KLHL1: variants seen among roughly 807,000 people sequenced by gnomAD.
The protein encoded by KLHL1 is kelch-like protein 1.
In KLHL1, 47 loss-of-function variants were observed where a neutral mutation model predicts 77.7. The observed-to-expected ratio is 0.60, with a 90% CI of 0.48 to 0.77. The LOEUF (loss-of-function observed/expected upper bound fraction) is 0.77. Among genes scored for constraint, KLHL1 ranks in the 30% least tolerant of loss-of-function variants. The pLI, the probability that KLHL1 is intolerant of heterozygous loss-of-function variation, is 0.00. For synonymous variants in KLHL1, 360 were observed against 325.2 expected (o/e 1.11, Z -1.15); for missense variants, 925 against 910.8 (o/e 1.02, Z -0.20).
At chr13:69,786,230 T>C (rs1430448020) in intron 7 of KLHL1, among the ~76,000 whole-genome samples, 1 of 152,160 alleles carries the variant, frequency 6.6e-6, no homozygotes, top group Admixed American at 6.5e-5. Flanking sequence ...ACCAATATCC[T>C]TGATGAACAT....
At chr13:69,947,084 TTCC>T (rs1234371384) in intron 3 of KLHL1, among the ~76,000 whole-genome samples, 2 of 147,586 alleles carry the variant, frequency 1.4e-5, no homozygotes, top group African/African-American at 5.0e-5. Flanking sequence ...GAAGATCTTC[TTCC>T]TATTCCGTCA....
intron 1 of KLHL1, among the ~76,000 whole-genome samples, chr13:70,074,505 A>G (rs1262477668): frequency 6.6e-6 from 1 of 152,044 alleles, no homozygotes; most frequent in Non-Finnish European, 1.5e-5. Context: ...CGTCCACCCA[A>G]GAGATTCCAA....
chr13:69,803,028 T>C (rs1877459420), intron 6 of KLHL1: 1 of 152,170 alleles, frequency 6.6e-6, no homozygotes, highest in African/African-American at 2.4e-5. Context: ...ACTGCTTCTC[T>C]CGACCAGCCT....
chr13:69,779,020 C>T (rs1426557272), intron 7 of KLHL1, among the ~76,000 whole-genome samples: 1 of 151,866 alleles, frequency 6.6e-6, no homozygotes, highest in Non-Finnish European at 1.5e-5. Flanking sequence ...GGATGGTCTC[C>T]ATCTCCTGAC....
At chr13:69,721,656 A>G (rs1350170688) in intron 8 of KLHL1, among the ~76,000 whole-genome samples, 1 of 152,160 alleles carries the variant, frequency 6.6e-6, no homozygotes, top group Non-Finnish European at 1.5e-5. Context: ...CTAATACCAT[A>G]TAATAACTCT....
chr13:70,022,974 C>T (rs537212383), intron 1 of KLHL1, among the ~76,000 whole-genome samples: 12 of 151,996 alleles, frequency 7.9e-5, no homozygotes, highest in South Asian at 6.2e-4. Flanking sequence ...GTTGAAGTTT[C>T]GATCATGTCT....
At chr13:69,894,875 TA>T in intron 4 of KLHL1, 1 of 290,212 alleles carries the variant, frequency 3.4e-6, no homozygotes, top group Non-Finnish European at 6.8e-6. Context: ...TTCTTCACCC[TA>T]ACTAGCACCT....
At chr13:69,770,992 A>T (rs1328923567) in intron 7 of KLHL1, among the ~76,000 whole-genome samples, 1 of 152,208 alleles carries the variant, frequency 6.6e-6, no homozygotes, top group Non-Finnish European at 1.5e-5. Context: ...AATGTGAAAG[A>T]TACTACCTTT....
rs951609498 is a variant in KLHL1, at chr13:69,851,508, A to T, written c.1228-12346T>A. 2.0e-5 allele frequency among the ~76,000 whole-genome samples: 3 copies of T among 151,796 alleles called. No homozygotes were observed. In the Admixed American group the frequency reaches 2.0e-4, roughly 10 times the overall value. ...ACTGGATTAATTGGAGACATTTTTG[A>T]CTTTAGAGTTGCATGAAGTAATAAC... On this transcript the variant is annotated intron_variant, in intron 5 of 10. Transcript: ENST00000377844.
chr13:69,927,828 A>G (rs1882867611), intron 4 of KLHL1, among the ~76,000 whole-genome samples: 1 of 152,212 alleles, frequency 6.6e-6, no homozygotes, highest in Non-Finnish European at 1.5e-5. Context: ...AAAACAGTCT[A>G]GTAGTTTCTC....
intron 5 of KLHL1, among the ~76,000 whole-genome samples, chr13:69,857,958 AG>A (rs1879986581): frequency 6.6e-6 from 1 of 152,070 alleles, no homozygotes; most frequent in African/African-American, 2.4e-5. Flanking sequence ...ATGAATTACA[AG>A]GAAAATAAAG....
chr13:70,078,146 T>A (rs1436407207), intron 1 of KLHL1, among the ~76,000 whole-genome samples: 8 of 151,842 alleles, frequency 5.3e-5, no homozygotes, highest in Admixed American at 5.3e-4. Context: ...GCTTAGCTCC[T>A]CATGTCTGTC....
chr13:69,812,640 C>G lies in KLHL1; in HGVS notation c.1415-15678G>C, dbSNP rs180761387. ...ATTTACAAGAAAAAAACAAACAACC[C>G]CATCAAAAAGTGGGCAAATGATATG... On this transcript the variant is annotated intron_variant, in intron 6 of 10. Transcript: ENST00000377844. Among the ~76,000 whole-genome samples, 64 of 151,916 alleles carry G rather than the reference C, an allele frequency of 4.2e-4. 1 individual carries two copies. The East Asian group carries it at 0.012, about 28-fold the overall frequency.
At chr13:69,924,333 C>G (rs1344425309) in intron 4 of KLHL1, among the ~76,000 whole-genome samples, 1 of 152,144 alleles carries the variant, frequency 6.6e-6, no homozygotes, top group Non-Finnish European at 1.5e-5. Flanking sequence ...TTTTCCGGGC[C>G]TGCCCATGGC....
At chr13:69,922,403 C>A (rs1882672164) in intron 4 of KLHL1, among the ~76,000 whole-genome samples, 1 of 151,890 alleles carries the variant, frequency 6.6e-6, no homozygotes. Flanking sequence ...AGTAAAATAG[C>A]AGGTATTAAC....
At chr13:70,075,565 A>T (rs2770211) in intron 1 of KLHL1, among the ~76,000 whole-genome samples, 1 of 132,054 alleles carries the variant, frequency 7.6e-6, no homozygotes. Context: ...GTGTGTGTGT[A>T]TGTGTATATA....
intron 6 of KLHL1, among the ~76,000 whole-genome samples, chr13:69,833,478 A>G (rs1208878014): frequency 1.3e-5 from 2 of 151,994 alleles, no homozygotes; most frequent in Admixed American, 1.3e-4. Flanking sequence ...GGATGTGGTG[A>G]AAAAGGGAAC....
At chr13:69,871,080 C>T (rs182821860) in intron 5 of KLHL1, among the ~76,000 whole-genome samples, 14 of 152,228 alleles carry the variant, frequency 9.2e-5, no homozygotes, top group African/African-American at 3.1e-4. Flanking sequence ...CTGATACATC[C>T]TCTGAAATCT....
chr13:69,916,859 A>C (rs1055220059), intron 4 of KLHL1, among the ~76,000 whole-genome samples: 2 of 152,144 alleles, frequency 1.3e-5, no homozygotes, highest in African/African-American at 4.8e-5. Context: ...ACAGAATATT[A>C]AAAAACAAAG....
Sources: gnomAD v4.1 joint callset for allele counts (sites outside exome capture counted in the v4.1 genomes callset) on GRCh38, gnomAD v4.1.1 for gene constraint, MANE v1.5 for transcripts, NCBI Gene and HGNC (gene_info 2026-07-23, HGNC 2026-07-21) for gene names.